Variants in GALNT13 observed in about 807,000 individuals in gnomAD.
GALNT13 encodes polypeptide N-acetylgalactosaminyltransferase 13.
A neutral mutation model predicts 64.2 loss-of-function variants in GALNT13; 28 were observed. That is an observed-to-expected ratio of 0.44 (90% CI 0.32 to 0.60). The LOEUF is 0.60. Ranked by LOEUF, GALNT13 falls within the 20% of genes least tolerant of loss-of-function variation. The probability of loss-of-function intolerance (pLI) is 0.05; values close to 1 mark genes in which losing one functional copy is unlikely to be tolerated. For synonymous variants in GALNT13, 214 were observed against 224.6 expected (o/e 0.95, Z 0.42); for missense variants, 577 against 669.8 (o/e 0.86, Z 1.53).
At chr2:153,669,126 A>G in the GALNT13 span, among the ~76,000 whole-genome samples, 9 of 152,124 alleles carry the variant, frequency 5.9e-5, no homozygotes, top group African/African-American at 2.2e-4. Context: ...CTGTAAGGCC[A>G]TGCCTGACCG....
intron 3 of GALNT13, among the ~76,000 whole-genome samples, chr2:153,980,587 AG>A (rs1558887116): frequency 4.6e-5 from 7 of 152,172 alleles, no homozygotes. Flanking sequence ...AGTCTTGGAT[AG>A]GTTGCACTTG....
chr2:153,398,445 G>T, the GALNT13 span, among the ~76,000 whole-genome samples: 7 of 151,924 alleles, frequency 4.6e-5, no homozygotes, highest in African/African-American at 4.8e-5. Flanking sequence ...CCCAGTAATG[G>T]GATGGCTGGG....
chr2:154,225,161 GA>G (rs1192162261), intron 4 of GALNT13, among the ~76,000 whole-genome samples: 1 of 936 alleles, frequency 1.1e-3, no homozygotes, highest in African/African-American at 4.9e-3. Context: ...ATAGATAGAT[GA>G]TAGATAGATA....
chr2:153,704,737 T>G, the GALNT13 span, among the ~76,000 whole-genome samples: 1 of 152,196 alleles, frequency 6.6e-6, no homozygotes, highest in Non-Finnish European at 1.5e-5. Context: ...TCCAATCAGA[T>G]AGAAAATGTA....
the GALNT13 span, among the ~76,000 whole-genome samples, chr2:153,213,193 T>C: frequency 6.6e-6 from 1 of 152,206 alleles, no homozygotes; most frequent in Non-Finnish European, 1.5e-5. Context: ...GGCTTTATGT[T>C]TGCATTGGTT....
the GALNT13 span, among the ~76,000 whole-genome samples, chr2:153,705,983 G>C: frequency 6.6e-6 from 1 of 151,974 alleles, no homozygotes; most frequent in East Asian, 1.9e-4. Context: ...GCTTTGTATT[G>C]AGGACTATAT....
chr2:154,136,624 AAT>A, intron 3 of GALNT13, among the ~76,000 whole-genome samples: 1 of 152,254 alleles, frequency 6.6e-6, no homozygotes, highest in South Asian at 2.1e-4. Context: ...GATTAAAATA[AAT>A]GTAAATTAAA....
intron 3 of GALNT13, among the ~76,000 whole-genome samples, chr2:153,970,604 T>C (rs1230380835): frequency 6.6e-6 from 1 of 152,172 alleles, no homozygotes; most frequent in African/African-American, 2.4e-5. Flanking sequence ...CCTCTCCTAA[T>C]TTTTAGACAT....
At chr2:153,688,176 G>A in the GALNT13 span, among the ~76,000 whole-genome samples, 10 of 151,760 alleles carry the variant, frequency 6.6e-5, no homozygotes, top group African/African-American at 1.2e-4. Flanking sequence ...ATTCATTTAC[G>A]TATGGTCGAT....
chr2:153,399,192 A>G, the GALNT13 span, among the ~76,000 whole-genome samples: 1 of 146,394 alleles, frequency 6.8e-6, no homozygotes, highest in African/African-American at 2.5e-5. Flanking sequence ...TCCTTTCCCC[A>G]TTGCTTGTTT....
chr2:153,843,149 A>G, the GALNT13 span, among the ~76,000 whole-genome samples: 1 of 152,190 alleles, frequency 6.6e-6, no homozygotes, highest in Non-Finnish European at 1.5e-5. Flanking sequence ...AATACCTGAG[A>G]CTGGGTAATT....
At chr2:154,243,490 A>G (rs1689608361) in intron 6 of GALNT13, among the ~76,000 whole-genome samples, 1 of 152,152 alleles carries the variant, frequency 6.6e-6, no homozygotes, top group African/African-American at 2.4e-5. Flanking sequence ...AAAAAAAGAA[A>G]CATAAGAGCA....
chr2:153,146,593 T>C, the GALNT13 span, among the ~76,000 whole-genome samples: 1 of 152,044 alleles, frequency 6.6e-6, no homozygotes, highest in South Asian at 2.1e-4. Context: ...CTGACCAGGA[T>C]GCTTGACTCA....
chr2:154,152,019 C>G (rs1332315066), intron 4 of GALNT13, among the ~76,000 whole-genome samples: 3 of 152,152 alleles, frequency 2.0e-5, no homozygotes, highest in African/African-American at 7.2e-5. Context: ...CAGTTTCTTC[C>G]TAGCCTCAAT....
At chr2:153,446,793 TTTC>T in the GALNT13 span, 1 of 152,274 alleles carries the variant, frequency 6.6e-6, no homozygotes, top group South Asian at 2.1e-4. Flanking sequence ...TAGCATATTT[TTTC>T]TTCTTTTATC....
chr2:153,145,748 G>A, the GALNT13 span, among the ~76,000 whole-genome samples: 1 of 151,830 alleles, frequency 6.6e-6, no homozygotes, highest in South Asian at 2.1e-4. Context: ...TCCATTATGG[G>A]CATATGTGCT....
At chr2:153,972,484 CT>C (rs1693806812) in intron 3 of GALNT13, among the ~76,000 whole-genome samples, 1 of 151,918 alleles carries the variant, frequency 6.6e-6, no homozygotes, top group African/African-American at 2.4e-5. Context: ...TGGAAGTCCC[CT>C]TATTAGAAAA....
At chr2:154,454,665 G>T (rs537951071), downstream of GALNT13, 35 of 151,990 alleles carry the variant, frequency 2.3e-4, no homozygotes, top group African/African-American at 8.2e-4. Flanking sequence ...AAAAAATTAT[G>T]ATTAGTATAT....
the GALNT13 span, among the ~76,000 whole-genome samples, chr2:153,609,881 G>T: frequency 7.2e-5 from 11 of 152,044 alleles, no homozygotes; most frequent in Non-Finnish European, 2.9e-5. Flanking sequence ...GAGCCTTTAG[G>T]TAGAAACCAA....
Sources: gnomAD v4.1 joint callset for allele counts (sites outside exome capture counted in the v4.1 genomes callset) on GRCh38, gnomAD v4.1.1 for gene constraint, MANE v1.5 for transcripts, NCBI Gene and HGNC (gene_info 2026-07-23, HGNC 2026-07-21) for gene names.